CCDC91: variants seen among roughly 807,000 people sequenced by gnomAD.
The protein encoded by CCDC91 is coiled-coil domain containing 91.
In CCDC91, 48 loss-of-function variants were observed where a neutral mutation model predicts 63.2. The ratio of observed to expected loss-of-function variants is 0.76; its 90% confidence interval spans 0.60 to 0.97. The LOEUF (loss-of-function observed/expected upper bound fraction) is 0.97. Ranked by LOEUF, CCDC91 falls within the 50% of genes least tolerant of loss-of-function variation. The pLI, the probability that CCDC91 is intolerant of heterozygous loss-of-function variation, is 0.00. For synonymous variants in CCDC91, 167 were observed against 165.8 expected (o/e 1.01, Z -0.06); for missense variants, 500 against 494.6 (o/e 1.01, Z -0.10).
chr12:28,441,749 CATA>C (rs1003733962), intron 8 of CCDC91, among the ~76,000 whole-genome samples: 1 of 148,830 alleles, frequency 6.7e-6, no homozygotes, highest in African/African-American at 2.5e-5. Context: ...ATATATATCT[CATA>C]TATATATGTA....
At chr12:28,196,479 A>G (rs139373983) in intron 1 of CCDC91, among the ~76,000 whole-genome samples, 4 of 152,276 alleles carry the variant, frequency 2.6e-5, no homozygotes, top group African/African-American at 9.6e-5. Flanking sequence ...GACCTTTGCT[A>G]ATGTTAACTA....
chr12:28,311,391 A>G (rs963301677), intron 6 of CCDC91, among the ~76,000 whole-genome samples: 5 of 151,882 alleles, frequency 3.3e-5, no homozygotes, highest in African/African-American at 1.2e-4. Context: ...TTCCTTTTGG[A>G]TGGGGATAGA....
chr12:28,519,579 T>TA (rs1940360348), intron 12 of CCDC91, among the ~76,000 whole-genome samples: 1 of 151,982 alleles, frequency 6.6e-6, no homozygotes, highest in Non-Finnish European at 1.5e-5. Flanking sequence ...TTCTTTTTTT[T>TA]ATTATTATAC....
At chr12:28,209,995 G>A (rs11519331) in intron 1 of CCDC91, among the ~76,000 whole-genome samples, 39,721 of 151,684 alleles carry the variant, frequency 0.26, 5,455 homozygotes, top group Non-Finnish European at 0.31. Flanking sequence ...CATAACTTCC[G>A]TAGACCATCT....
chr12:28,215,732 A>G (rs187669438), intron 1 of CCDC91, among the ~76,000 whole-genome samples: 1 of 152,234 alleles, frequency 6.6e-6, no homozygotes, highest in East Asian at 1.9e-4. Flanking sequence ...CCAGACATAG[A>G]CAGAAGCAGT....
At chr12:28,320,848 A>T (rs1384385287) in intron 6 of CCDC91, among the ~76,000 whole-genome samples, 1 of 151,808 alleles carries the variant, frequency 6.6e-6, no homozygotes, top group Non-Finnish European at 1.5e-5. Flanking sequence ...TCATTTGCTG[A>T]ATTTTGAACT....
At chr12:28,513,569 C>A (rs1328162725) in intron 12 of CCDC91, among the ~76,000 whole-genome samples, 1 of 151,956 alleles carries the variant, frequency 6.6e-6, no homozygotes. Context: ...ATTCGAAACA[C>A]TTCTGGTCCC....
chr12:28,310,229 C>T (rs758733017), intron 6 of CCDC91, among the ~76,000 whole-genome samples: 1 of 151,992 alleles, frequency 6.6e-6, no homozygotes, highest in Non-Finnish European at 1.5e-5. Flanking sequence ...ATTCTGGACC[C>T]TTTAGTGAGA....
chr12:28,254,845 C>T (rs2136140449), intron 1 of CCDC91, among the ~76,000 whole-genome samples: 1 of 148,154 alleles, frequency 6.7e-6, no homozygotes, highest in East Asian at 2.0e-4. Context: ...GATCTCGGCT[C>T]ACTGCAACCT....
intron 1 of CCDC91, among the ~76,000 whole-genome samples, chr12:28,230,636 T>C (rs952806997): frequency 1.3e-5 from 2 of 152,112 alleles, no homozygotes; most frequent in East Asian, 1.9e-4. Flanking sequence ...ATGCTTTTTG[T>C]TTTTTGGAGA....
At chr12:28,491,517 T>C (rs901396897) in intron 12 of CCDC91, among the ~76,000 whole-genome samples, 4 of 151,722 alleles carry the variant, frequency 2.6e-5, no homozygotes, top group African/African-American at 7.3e-5. Flanking sequence ...GTGACAACAA[T>C]TGACAACAGA....
At chr12:28,509,207 CA>C (rs1194325099) in intron 12 of CCDC91, among the ~76,000 whole-genome samples, 1 of 151,940 alleles carries the variant, frequency 6.6e-6, no homozygotes, top group Non-Finnish European at 1.5e-5. Flanking sequence ...CTCCATTATG[CA>C]AACACAGGTT....
chr12:28,484,037 T>G lies in CCDC91; in HGVS notation c.1102-15T>G. 1.3e-6 allele frequency: 2 copies of G among 1,571,764 alleles called. No individual in the cohort carries two copies. The highest frequency in any genetic ancestry group is 1.7e-6 in the Non-Finnish European group (2 of 1,146,516). On this transcript the variant is annotated splice_polypyrimidine_tract_variant and intron_variant, in intron 11 of 12. Transcript: ENST00000536442. ...TGCTCACCTCCCTGACTGTTTTGCC[T>G]TCTCCCACAAACAGGAAACTGTTAA... is the stretch of plus-strand genomic sequence containing the variant.
intron 6 of CCDC91, among the ~76,000 whole-genome samples, chr12:28,334,927 C>T (rs889993627): frequency 1.3e-5 from 2 of 150,988 alleles, no homozygotes; most frequent in African/African-American, 4.9e-5. Context: ...TCTAAAATGT[C>T]TCCTTAATAG....
At chr12:28,217,613 A>G (rs1444935708) in intron 1 of CCDC91, among the ~76,000 whole-genome samples, 1 of 152,138 alleles carries the variant, frequency 6.6e-6, no homozygotes, top group East Asian at 1.9e-4. Flanking sequence ...TATGAACCAA[A>G]TTGTGAAAGG....
rs1187025885 is a variant in CCDC91, at chr12:28,359,667, T to A, written c.577-2771T>A. 2.6e-5 allele frequency among the ~76,000 whole-genome samples: 4 copies of A among 152,152 alleles called. No individual in the cohort carries two copies. In the East Asian group the frequency reaches 7.7e-4, roughly 29 times the overall value. Reference sequence around the variant, plus strand: ...TTAGCTTTTCTATTTTGTAAAGCAGTCTCTGGGTAACACTAGTGTATCTGA... The same window carrying A: ...TTAGCTTTTCTATTTTGTAAAGCAGACTCTGGGTAACACTAGTGTATCTGA... On this transcript the variant is annotated intron_variant, in intron 6 of 12. Transcript: ENST00000536442.
intron 8 of CCDC91, among the ~76,000 whole-genome samples, chr12:28,414,119 T>C (rs1308079343): frequency 6.6e-6 from 1 of 152,192 alleles, no homozygotes; most frequent in Non-Finnish European, 1.5e-5. Flanking sequence ...TGGGGTTTAT[T>C]TGTTGATGGT....
At chr12:28,453,849 C>A (rs1254060979) in intron 11 of CCDC91, among the ~76,000 whole-genome samples, 1 of 152,068 alleles carries the variant, frequency 6.6e-6, no homozygotes, top group Admixed American at 6.6e-5. Flanking sequence ...CCCGAACATT[C>A]CTGTAACCTC....
At position 28,313,925 on chromosome 12, in the gene CCDC91, T is replaced by C. The variant is rs1488126218; in HGVS notation, c.576+6176T>C. Among the ~76,000 whole-genome samples, 5 of 152,172 alleles carry C rather than the reference T, an allele frequency of 3.3e-5. No individual in the cohort carries two copies. In the East Asian group the frequency reaches 7.8e-4, roughly 24 times the overall value. ...CCTGTAACAAGTGGGTCAACACCTG[T>C]GACAAGCACTCAGGAAACTTGGCAG... On this transcript the variant is annotated intron_variant, in intron 6 of 12. Transcript: ENST00000536442.
Sources: allele counts gnomAD v4.1 joint callset (sites outside exome capture counted in the v4.1 genomes callset), GRCh38; gene constraint gnomAD v4.1.1; transcripts MANE v1.5; gene names NCBI Gene and HGNC (gene_info 2026-07-23, HGNC 2026-07-21).